Variants in TPTE2 observed in about 807,000 individuals in gnomAD.
The protein encoded by TPTE2 is transmembrane phosphoinositide 3-phosphatase and tensin homolog 2.
TPTE2 carries 53 observed loss-of-function variants against 78.6 expected under a neutral mutation model. The observed-to-expected ratio is 0.67, with a 90% confidence interval of 0.54 to 0.85. TPTE2 has a LOEUF of 0.85. Ranked by LOEUF, TPTE2 falls within the 40% of genes least tolerant of loss-of-function variation. The pLI, the probability that TPTE2 is intolerant of heterozygous loss-of-function variation, is 0.00. For missense variants in TPTE2, 461 were observed against 623.0 expected (o/e 0.74, Z 2.77); for synonymous variants, 175 against 206.2 (o/e 0.85, Z 1.30).
At chr13:19,442,424 A>T (rs1283186208) in intron 13 of TPTE2, among the ~76,000 whole-genome samples, 1 of 152,098 alleles carries the variant, frequency 6.6e-6, no homozygotes, top group East Asian at 1.9e-4. Flanking sequence ...ATGAAACTAA[A>T]GCAATTCTTA....
intron 4 of TPTE2, among the ~76,000 whole-genome samples, chr13:19,479,738 C>CG (rs1371745305): frequency 2.0e-5 from 3 of 151,908 alleles, no homozygotes; most frequent in Non-Finnish European, 4.4e-5. Flanking sequence ...CCAAGGTGGG[C>CG]GGATCATGAG....
intron 2 of TPTE2, 65 bp from the exon 6 acceptor site, chr13:19,492,968 A>G (rs1881087602): frequency 2.5e-6 from 4 of 1,593,512 alleles, no homozygotes; most frequent in Non-Finnish European, 3.4e-6. Context: ...TTTTTGGAAA[A>G]TTAGCTTTTA....
rs1796338576 is a variant in TPTE2, at chr13:19,438,790, C to T, written c.974-637G>A. Among the ~76,000 whole-genome samples the T allele has an allele frequency of 2.0e-5, 3 of 152,156 alleles. No homozygotes were observed. In the South Asian group the frequency reaches 6.2e-4, roughly 31 times the overall value. On this transcript the variant is annotated intron_variant, in intron 13 of 19. Transcript: ENST00000400230. ...AATTCAAGAAAGAAAATGGCAATTC[C>T]TCGGAATTATGAAGGACATCCCAGA...
At chr13:19,443,799 A>T (rs1877653256) in intron 13 of TPTE2, among the ~76,000 whole-genome samples, 1 of 151,698 alleles carries the variant, frequency 6.6e-6, no homozygotes, top group Non-Finnish European at 1.5e-5. Flanking sequence ...GCAATTGGAG[A>T]GATGTTGAAA....
At chr13:19,449,391 T>A (rs1878038960) in intron 13 of TPTE2, among the ~76,000 whole-genome samples, 1 of 152,204 alleles carries the variant, frequency 6.6e-6, no homozygotes, top group Non-Finnish European at 1.5e-5. Context: ...TCCACCTGCC[T>A]CAGCCTCCCA....
chr13:19,561,226 A>C, the TPTE2 span: 7 of 1,374,358 alleles, frequency 5.1e-6, no homozygotes, highest in Non-Finnish European at 7.0e-6. Flanking sequence ...GCCATGATGT[A>C]GTGGCTCACT....
intron 16 of TPTE2, among the ~76,000 whole-genome samples, chr13:19,431,689 C>G (rs1347051988): frequency 6.8e-6 from 1 of 147,052 alleles, no homozygotes; most frequent in Non-Finnish European, 1.5e-5. Context: ...GAACTTCCTT[C>G]TATTGATGTC....
upstream of TPTE2, among the ~76,000 whole-genome samples, chr13:19,506,212 C>T (rs566283743): frequency 2.0e-5 from 2 of 100,168 alleles, no homozygotes; most frequent in South Asian, 8.0e-4. Context: ...CGCTCTGTCG[C>T]CCAGGCTGGA....
chr13:19,472,884 A>G (rs1473134313), intron 6 of TPTE2, among the ~76,000 whole-genome samples: 1 of 152,166 alleles, frequency 6.6e-6, no homozygotes, highest in Non-Finnish European at 1.5e-5. Context: ...GAACTTGGAT[A>G]TTGTGATCTA....
intron 1 of TPTE2, among the ~76,000 whole-genome samples, chr13:19,528,671 C>T (rs975894803): frequency 1.6e-4 from 25 of 152,154 alleles, no homozygotes; most frequent in African/African-American, 5.6e-4. Flanking sequence ...CTCGCTAGCT[C>T]AGACTTCCTT....
intron 4 of TPTE2, among the ~76,000 whole-genome samples, chr13:19,477,022 T>C (rs1466708696): frequency 1.3e-5 from 2 of 152,074 alleles, no homozygotes; most frequent in Admixed American, 6.5e-5. Flanking sequence ...CATGGAATAC[T>C]ATGCAGCCAT....
At chr13:19,513,118 T>G (rs989776984) in intron 1 of TPTE2, among the ~76,000 whole-genome samples, 4 of 152,216 alleles carry the variant, frequency 2.6e-5, no homozygotes, top group African/African-American at 9.6e-5. Context: ...GAAATAACTT[T>G]CTGAGTATAA....
At chr13:19,465,156 A>G in intron 9 of TPTE2, 99 bp downstream of exon 12, 1 of 1,470,966 alleles carries the variant, frequency 6.8e-7, no homozygotes, top group East Asian at 2.3e-5. Context: ...TCAAGAATAA[A>G]GAATATTTTG....
intron 10 of TPTE2, among the ~76,000 whole-genome samples, chr13:19,452,941 CCTT>C (rs1476973193): frequency 6.7e-6 from 1 of 149,840 alleles, no homozygotes; most frequent in Non-Finnish European, 1.5e-5. Context: ...ACTGTCCTGT[CCTT>C]CATATTTTTT....
At position 19,432,877 on chromosome 13, in the gene TPTE2, C is replaced by A. The variant is rs574584416; in HGVS notation, c.1117-299G>T. 2.0e-5 allele frequency among the ~76,000 whole-genome samples: 3 copies of A among 152,062 alleles called. No homozygotes were observed. In the South Asian group the frequency reaches 6.2e-4, roughly 31 times the overall value. ...CAGAAGCACAACAAAACAGTTACAG[C>A]ATCATCAGTGTCCAGACAGAAGCTT... On this transcript the variant is annotated intron_variant, in intron 15 of 19. Coordinates refer to ENST00000400230, the Ensembl canonical transcript of TPTE2.
chr13:19,423,052 T>A (rs1378754498), exon 20 of TPTE2: 3 of 1,611,952 alleles, frequency 1.9e-6, no homozygotes, highest in Non-Finnish European at 2.5e-6. Flanking sequence ...AGCTACAACA[T>A]CATTGGAAGT....
chr13:19,551,314 G>T, the TPTE2 span, among the ~76,000 whole-genome samples: 4 of 152,150 alleles, frequency 2.6e-5, no homozygotes, highest in Admixed American at 2.6e-4. Flanking sequence ...TACAGGCCGG[G>T]TATGGTGGTT....
chr13:19,537,475 T>C (rs945372489), upstream of TPTE2, among the ~76,000 whole-genome samples: 11 of 151,350 alleles, frequency 7.3e-5, no homozygotes, highest in African/African-American at 2.7e-4. Flanking sequence ...TCAGGTGATC[T>C]GCCCACTTCA....
intron 4 of TPTE2, among the ~76,000 whole-genome samples, chr13:19,481,178 T>G (rs1404163926): frequency 6.6e-6 from 1 of 152,208 alleles, no homozygotes; most frequent in Non-Finnish European, 1.5e-5. Flanking sequence ...AATGACTATA[T>G]GTGGTTAGAT....
Sources: gnomAD v4.1 joint callset for allele counts (sites outside exome capture counted in the v4.1 genomes callset) on GRCh38, gnomAD v4.1.1 for gene constraint, MANE v1.5 for transcripts, NCBI Gene and HGNC (gene_info 2026-07-23, HGNC 2026-07-21) for gene names.